Variants in PRR5L observed in about 807,000 individuals in gnomAD.
The protein encoded by PRR5L is proline rich 5 like, also known as proline-rich protein 5-like.
Under a neutral mutation model 36.4 loss-of-function variants are expected in PRR5L, and 21 were observed. The observed-to-expected ratio is 0.58, with a 90% CI of 0.41 to 0.83. The LOEUF (loss-of-function observed/expected upper bound fraction) is 0.83, where lower values mean the gene tolerates loss of function less well. Ranked by LOEUF, PRR5L falls within the 40% of genes least tolerant of loss-of-function variation. The pLI is 0.00. For synonymous variants in PRR5L, 188 were observed against 197.0 expected (o/e 0.95, Z 0.38); for missense variants, 381 against 473.3 (o/e 0.80, Z 1.81).
chr11:36,424,566 C>T (rs550822983), intron 4 of PRR5L, among the ~76,000 whole-genome samples: 132 of 152,250 alleles, frequency 8.7e-4, no homozygotes, highest in East Asian at 3.9e-3. Context: ...GAGTTGGAAG[C>T]GTCGGGAAAT....
intron 3 of PRR5L, among the ~76,000 whole-genome samples, chr11:36,405,687 A>G (rs551346715): frequency 1.6e-4 from 25 of 152,378 alleles, no homozygotes; most frequent in African/African-American, 6.0e-4. Flanking sequence ...CGGGGCTGCC[A>G]TAACAAATAC....
chr11:36,426,363 G>A (rs926099455), intron 4 of PRR5L, among the ~76,000 whole-genome samples: 2 of 152,180 alleles, frequency 1.3e-5, no homozygotes, highest in African/African-American at 4.8e-5. Flanking sequence ...ACTTACCTCA[G>A]CCTCGTTACT....
At chr11:36,362,323 C>G (rs1439156495) in intron 1 of PRR5L, 2 of 152,044 alleles carry the variant, frequency 1.3e-5, no homozygotes, top group Non-Finnish European at 2.9e-5. Context: ...ACTTTTAGCA[C>G]CAAAGTGCTG....
chr11:36,376,634 C>G, intron 1 of PRR5L: 2 of 992,388 alleles, frequency 2.0e-6, no homozygotes, highest in Non-Finnish European at 2.4e-6. Context: ...CCTAGGCGCG[C>G]GGAGTCTGGG....
chr11:36,445,198 T>A (rs879027289), intron 6 of PRR5L, among the ~76,000 whole-genome samples: 6 of 152,174 alleles, frequency 3.9e-5, no homozygotes, highest in African/African-American at 1.2e-4. Flanking sequence ...ATATAAAACA[T>A]CCTTAAACCT....
chr11:36,450,594 A>G (rs1858923120), intron 7 of PRR5L, among the ~76,000 whole-genome samples: 1 of 152,168 alleles, frequency 6.6e-6, no homozygotes, highest in South Asian at 2.1e-4. Context: ...CCTGGCTCAA[A>G]AAGAATTATC....
chr11:36,435,095 TA>T (rs893666774), intron 5 of PRR5L, among the ~76,000 whole-genome samples: 1 of 151,996 alleles, frequency 6.6e-6, no homozygotes, highest in Non-Finnish European at 1.5e-5. Flanking sequence ...GAAGCTGGAG[TA>T]ACCTTTTGCC....
chr11:36,401,527 C>T (rs1300250073), intron 2 of PRR5L, among the ~76,000 whole-genome samples: 2 of 152,114 alleles, frequency 1.3e-5, no homozygotes, highest in Non-Finnish European at 2.9e-5. Flanking sequence ...TGGGCTCGGG[C>T]GATCCTCCTG....
chr11:36,409,360 T>A (rs1857977948), intron 3 of PRR5L, among the ~76,000 whole-genome samples: 1 of 152,138 alleles, frequency 6.6e-6, no homozygotes, highest in African/African-American at 2.4e-5. Flanking sequence ...TTTCCTTCTC[T>A]CTCCAACCAC....
At chr11:36,432,825 C>T (rs1858529357) in intron 5 of PRR5L, among the ~76,000 whole-genome samples, 1 of 152,098 alleles carries the variant, frequency 6.6e-6, no homozygotes, top group African/African-American at 2.4e-5. Flanking sequence ...TTCCCATTCC[C>T]TGGGAAAGAC....
At chr11:36,350,954 A>ATATATT (rs1323895906) in intron 1 of PRR5L, among the ~76,000 whole-genome samples, 2,614 of 13,578 alleles carry the variant, frequency 0.19, 401 homozygotes, top group East Asian at 0.43. Flanking sequence ...ATATATATTT[A>ATATATT]TATATATTTA....
At chr11:36,403,737 T>A (rs1857850782) in intron 3 of PRR5L, among the ~76,000 whole-genome samples, 1 of 152,188 alleles carries the variant, frequency 6.6e-6, no homozygotes, top group African/African-American at 2.4e-5. Flanking sequence ...TGCTTGAGGT[T>A]TTATTGTGTT....
chr11:36,328,649 T>G (rs1856689156), intron 1 of PRR5L, among the ~76,000 whole-genome samples: 1 of 152,194 alleles, frequency 6.6e-6, no homozygotes, highest in Non-Finnish European at 1.5e-5. Context: ...CAGGTATTTC[T>G]TTAATACAGT....
At chr11:36,379,060 TG>T (rs1394365046) in intron 1 of PRR5L, among the ~76,000 whole-genome samples, 2 of 152,174 alleles carry the variant, frequency 1.3e-5, no homozygotes, top group African/African-American at 2.4e-5. Context: ...GCTCAGTTAT[TG>T]GGGAAAAAAG....
intron 1 of PRR5L, among the ~76,000 whole-genome samples, chr11:36,369,414 T>C (rs56958082): frequency 0.075 from 11,384 of 152,064 alleles, 714 homozygotes; most frequent in African/African-American, 0.17. Context: ...AGGTGCCCAG[T>C]CCCAGGACCA....
At chr11:36,341,408 G>A (rs7106091) in intron 1 of PRR5L, among the ~76,000 whole-genome samples, 1,841 of 152,266 alleles carry the variant, frequency 0.012, 40 homozygotes, top group African/African-American at 0.042. Context: ...TGGGTACTTC[G>A]ATATGCCAGG....
chr11:36,412,818 A>C (rs1178804417), intron 3 of PRR5L, among the ~76,000 whole-genome samples: 1 of 152,162 alleles, frequency 6.6e-6, no homozygotes, highest in Non-Finnish European at 1.5e-5. Flanking sequence ...CATAGGGCCC[A>C]GGAGAAATCA....
chr11:36,412,213 T>C (rs1858042093), intron 3 of PRR5L, among the ~76,000 whole-genome samples: 1 of 152,144 alleles, frequency 6.6e-6, no homozygotes, highest in Non-Finnish European at 1.5e-5. Context: ...ATCTCTGGCC[T>C]GTGCTTGCTT....
intron 8 of PRR5L, among the ~76,000 whole-genome samples, chr11:36,452,176 T>C (rs1448587493): frequency 2.6e-5 from 4 of 152,202 alleles, no homozygotes; most frequent in African/African-American, 4.8e-5. Context: ...GCCTGGCGTA[T>C]AGTAGGCACT....
Sources: allele counts gnomAD v4.1 joint callset (sites outside exome capture counted in the v4.1 genomes callset), GRCh38; gene constraint gnomAD v4.1.1; transcripts MANE v1.5; gene names NCBI Gene and HGNC (gene_info 2026-07-23, HGNC 2026-07-21).